GRK5: variants seen among roughly 807,000 people sequenced by gnomAD.
GRK5 encodes the protein g protein-coupled receptor kinase GRK5.
In GRK5, 40 loss-of-function variants were observed where a neutral mutation model predicts 78.4. The ratio of observed to expected loss-of-function variants is 0.51; its 90% confidence interval spans 0.40 to 0.66. The LOEUF is 0.66. Ranked by LOEUF, GRK5 falls within the 30% of genes least tolerant of loss-of-function variation. GRK5 has a pLI of 0.00. For synonymous variants in GRK5, 289 were observed against 296.8 expected, an observed-to-expected ratio of 0.97 and a Z score of 0.27; for missense variants, 598 against 759.9, an observed-to-expected ratio of 0.79 and a Z score of 2.50.
At chr10:119,367,177 C>A (rs534934982) in intron 2 of GRK5, among the ~76,000 whole-genome samples, 1 of 152,284 alleles carries the variant, frequency 6.6e-6, no homozygotes, top group Non-Finnish European at 1.5e-5. Context: ...TTCTGAAAAC[C>A]AGCTCTACCA....
At chr10:119,372,445 C>T (rs1274430190) in intron 2 of GRK5, among the ~76,000 whole-genome samples, 1 of 152,180 alleles carries the variant, frequency 6.6e-6, no homozygotes, top group Non-Finnish European at 1.5e-5. Context: ...AAAGCCTTTG[C>T]ATATAGGTTT....
intron 4 of GRK5, among the ~76,000 whole-genome samples, chr10:119,403,067 C>T (rs1255128742): frequency 6.6e-6 from 1 of 152,236 alleles, no homozygotes; most frequent in Non-Finnish European, 1.5e-5. Context: ...GTTCCCCTTT[C>T]CTCCCAGGCC....
chr10:119,289,074 T>C (rs1849907503), intron 1 of GRK5, among the ~76,000 whole-genome samples: 1 of 152,232 alleles, frequency 6.6e-6, no homozygotes, highest in South Asian at 2.1e-4. Flanking sequence ...TTTAACTTCA[T>C]GAGAAAATAT....
chr10:119,249,353 A>C (rs75592253), intron 1 of GRK5, among the ~76,000 whole-genome samples: 3,183 of 152,258 alleles, frequency 0.021, 57 homozygotes, highest in Admixed American at 0.053. Context: ...TATATATCAA[A>C]TAAATATCAT....
At chr10:119,310,022 G>A (rs1410404635) in intron 1 of GRK5, among the ~76,000 whole-genome samples, 2 of 152,152 alleles carry the variant, frequency 1.3e-5, no homozygotes, top group Non-Finnish European at 2.9e-5. Flanking sequence ...TCGTCCTAGT[G>A]TCTCCGTGGC....
chr10:119,250,833 G>A (rs1485025476), intron 1 of GRK5, among the ~76,000 whole-genome samples: 5 of 152,220 alleles, frequency 3.3e-5, no homozygotes, highest in South Asian at 2.1e-4. Context: ...TTCATATCCC[G>A]ATGCCATAGC....
At chr10:119,394,178 G>T (rs1483509727) in intron 3 of GRK5, among the ~76,000 whole-genome samples, 7 of 150,074 alleles carry the variant, frequency 4.7e-5, no homozygotes, top group Non-Finnish European at 1.5e-5. Context: ...GAGTGTGTGT[G>T]TGGGTGTCTG....
At chr10:119,321,269 A>G (rs1165388897) in intron 1 of GRK5, among the ~76,000 whole-genome samples, 1 of 152,184 alleles carries the variant, frequency 6.6e-6, no homozygotes, top group Non-Finnish European at 1.5e-5. Flanking sequence ...CCCTGCTGAG[A>G]ACATCCTCGT....
In GRK5 at chr10:119,459,506, T is replaced by A. The variant is rs1195861439; in HGVS notation, c.*4439T>A. On this transcript the variant is annotated 3_prime_UTR_variant, in exon 16 of 16. Transcript: ENST00000392870. Reference sequence around the variant, plus strand: ...TCAATTAGAAGAGTTTAGTGGCTTTTGGTGTTGTTAAAATAATAAGAATCC... The same window carrying A: ...TCAATTAGAAGAGTTTAGTGGCTTTAGGTGTTGTTAAAATAATAAGAATCC... 6.6e-6 allele frequency: 1 copy of A among 152,206 alleles called. No homozygotes were observed. Among genetic ancestry groups the A allele is most frequent in the Non-Finnish European group, 1.5e-5 (1 of 68,046 alleles). The allele number at this position is 152,206 out of a possible 1,614,324, so 9.4% of individuals were successfully genotyped here. A position where few individuals can be genotyped will look rare whatever the true frequency, so the allele number is the denominator to read the frequency against.
At chr10:119,410,294 T>C (rs1852314307) in intron 4 of GRK5, among the ~76,000 whole-genome samples, 1 of 152,202 alleles carries the variant, frequency 6.6e-6, no homozygotes, top group Admixed American at 6.5e-5. Flanking sequence ...CCCAGTTAAA[T>C]TCTGCCAGCG....
intron 1 of GRK5, among the ~76,000 whole-genome samples, chr10:119,313,071 A>T (rs1342508246): frequency 4.9e-5 from 1 of 20,306 alleles, no homozygotes; most frequent in South Asian, 1.3e-3. Context: ...GGTGGTGGTG[A>T]TGGTGGTGGT....
In GRK5 at chr10:119,218,074, T is replaced by TTGTGTG. The variant is rs59742803; in HGVS notation, c.52+10129_52+10134dup. Among the ~76,000 whole-genome samples, 1,311 of 146,576 alleles carry TTGTGTG rather than the reference T, an allele frequency of 8.9e-3. 6 individuals are homozygous for TTGTGTG. The highest frequency in any genetic ancestry group is 0.02 in the African/African-American group (801 of 40,084). On this transcript the variant is annotated intron_variant, in intron 1 of 15. Transcript: ENST00000392870. ...GCATTTAGAAACCATGTCAACCCGT[T>TTGTGTG]TGTGTGTGTGTGTGTGTGTGTGTGT...
chr10:119,369,177 G>C (rs1851503033), intron 2 of GRK5, among the ~76,000 whole-genome samples: 1 of 152,304 alleles, frequency 6.6e-6, no homozygotes, highest in Non-Finnish European at 1.5e-5. Flanking sequence ...GATGCAGTCG[G>C]TCTGGGTGTG....
chr10:119,222,772 C>T lies in GRK5; in HGVS notation c.52+14803C>T, dbSNP rs148777097. Among the ~76,000 whole-genome samples, 171 of 152,344 alleles carry T rather than the reference C, an allele frequency of 1.1e-3. 1 individual carries two copies. Among genetic ancestry groups the T allele is most frequent in the African/African-American group, 3.9e-3 (162 of 41,584 alleles). On this transcript the variant is annotated intron_variant, in intron 1 of 15. Coordinates refer to ENST00000392870, the MANE Select transcript of GRK5 (RefSeq NM_005308.3). ...GGAAGGGCTGCCCCTTCACTGCGTG[C>T]TGAGGCTACGGGCTCCGTGTCCTGT...
intron 1 of GRK5, among the ~76,000 whole-genome samples, chr10:119,301,017 T>C (rs1850171253): frequency 6.6e-6 from 1 of 151,616 alleles, no homozygotes; most frequent in Non-Finnish European, 1.5e-5. Flanking sequence ...GTCAGGAGAA[T>C]CGCTTGAACC....
At chr10:119,273,179 A>T (rs1473015663) in intron 1 of GRK5, among the ~76,000 whole-genome samples, 1 of 152,224 alleles carries the variant, frequency 6.6e-6, no homozygotes. Flanking sequence ...GGTCATGAGT[A>T]GACAGAATGT....
intron 1 of GRK5, among the ~76,000 whole-genome samples, chr10:119,244,932 T>A (rs1849081113): frequency 6.6e-6 from 1 of 152,098 alleles, no homozygotes; most frequent in Non-Finnish European, 1.5e-5. Flanking sequence ...CTCAAAAAAT[T>A]AAAAGTAGGA....
chr10:119,280,968 C>T (rs1177276652), intron 1 of GRK5, among the ~76,000 whole-genome samples: 2 of 151,914 alleles, frequency 1.3e-5, no homozygotes, highest in Non-Finnish European at 2.9e-5. Context: ...TTAGTAGAGA[C>T]GGGGTTTCAT....
intron 1 of GRK5, among the ~76,000 whole-genome samples, chr10:119,232,883 A>G (rs1298548093): frequency 6.6e-6 from 1 of 152,272 alleles, no homozygotes; most frequent in African/African-American, 2.4e-5. Flanking sequence ...AGATATGCTA[A>G]TTACCCTGAT....
Sources: gnomAD v4.1 joint callset for allele counts (sites outside exome capture counted in the v4.1 genomes callset) on GRCh38, gnomAD v4.1.1 for gene constraint, MANE v1.5 for transcripts, NCBI Gene and HGNC (gene_info 2026-07-23, HGNC 2026-07-21) for gene names.